SNU13: variants seen among roughly 807,000 people sequenced by gnomAD.
SNU13 encodes the protein small nuclear ribonucleoprotein 13, also known as NHP2-like protein 1.
In SNU13, 2 loss-of-function variants were observed where a neutral mutation model predicts 12.4. The observed-to-expected ratio is 0.16, with a 90% confidence interval of 0.07 to 0.51. The LOEUF (loss-of-function observed/expected upper bound fraction) is 0.51. Ranked by LOEUF, SNU13 falls within the 20% of genes least tolerant of loss-of-function variation. SNU13 has a pLI of 0.96. For synonymous variants in SNU13, 68 were observed against 66.5 expected, an observed-to-expected ratio of 1.02 and a Z score of -0.11; for missense variants, 66 against 157.8, an observed-to-expected ratio of 0.42 and a Z score of 3.12.
intron 1 of SNU13, chr22:41,682,261 T>A (rs566007237): frequency 7.2e-7 from 1 of 1,390,926 alleles, no homozygotes. Flanking sequence ...CTCCTTCCGT[T>A]TTTTTACAGC....
At chr22:41,678,264 C>T (rs998126356) in intron 2 of SNU13, among the ~76,000 whole-genome samples, 13 of 152,184 alleles carry the variant, frequency 8.5e-5, no homozygotes, top group Admixed American at 1.3e-4. Flanking sequence ...TGTGAGCCAC[C>T]GCGCCCGGCC....
upstream of SNU13, among the ~76,000 whole-genome samples, chr22:41,689,860 C>A (rs953271050): frequency 6.6e-6 from 1 of 151,940 alleles, no homozygotes; most frequent in African/African-American, 2.4e-5. Context: ...TGCCTGTAAT[C>A]CCAGCTACTC....
chr22:41,687,337 T>TA (rs1055555331), intron 1 of SNU13, among the ~76,000 whole-genome samples: 15 of 152,292 alleles, frequency 9.8e-5, no homozygotes, highest in African/African-American at 3.4e-4. Context: ...TATGTCAATT[T>TA]AAAAAAACTT....
Position 41,688,832 on chromosome 22 carries a change from G to T in SNU13, c.-36C>A, listed in dbSNP as rs747050365. ...CCGCGGGCTCAGCACTCCTAGGGGA[G>T]CGCAGCTGACGTTTCAGAAGCACTC... On this transcript the variant is annotated 5_prime_UTR_variant, in exon 1 of 3. Transcript: ENST00000401959. 4 of 1,573,966 alleles carry T rather than the reference G, an allele frequency of 2.5e-6. No individual in the cohort carries two copies. In the South Asian group the frequency reaches 4.5e-5, roughly 18 times the overall value.
rs971107338 is a variant in SNU13, at chr22:41,682,613, AG to A, written c.4-2250del. 10 of 1,401,478 alleles carry A rather than the reference AG, an allele frequency of 7.1e-6. No homozygotes were observed. The African/African-American group carries it at 1.3e-4, about 18-fold the overall frequency. The allele number at this position is 1,401,478 out of a possible 1,614,324, so 86.8% of individuals were successfully genotyped here. A position where few individuals can be genotyped will look rare whatever the true frequency, so the allele number is the denominator to read the frequency against. On this transcript the variant is annotated intron_variant, in intron 1 of 2. Coordinates refer to ENST00000401959, the MANE Select transcript of SNU13 (RefSeq NM_001003796.2). ...CTAGGAAGAATTAGGTGAAGGATGG[AG>A]GAGTTCTCTAAAGGAAGGGGGTTGG...
upstream of SNU13, chr22:41,689,366 C>CA (rs11387808): frequency 0.79 from 86,113 of 108,506 alleles, 34,137 homozygotes; most frequent in East Asian, 0.86. Context: ...GCGAGACTCT[C>CA]AAAAAAAAAA....
upstream of SNU13, chr22:41,688,907 G>A (rs2068336544): frequency 4.1e-6 from 6 of 1,467,248 alleles, no homozygotes; most frequent in South Asian, 1.3e-5. Context: ...GGCCCCGCGC[G>A]GCAGGAAGCG....
intron 1 of SNU13, chr22:41,682,391 C>G (rs754223382): frequency 6.2e-7 from 1 of 1,613,864 alleles, no homozygotes; most frequent in Non-Finnish European, 8.5e-7. Context: ...TGCCGGACAC[C>G]GCGAGGATAC....
chr22:41,686,551 C>T (rs1401194390), intron 1 of SNU13, among the ~76,000 whole-genome samples: 3 of 151,770 alleles, frequency 2.0e-5, no homozygotes, highest in East Asian at 3.9e-4. Flanking sequence ...CCACCCGCCT[C>T]GGCCTCCCAA....
intron 2 of SNU13, among the ~76,000 whole-genome samples, chr22:41,679,331 T>G (rs187625303): frequency 6.6e-6 from 1 of 152,090 alleles, no homozygotes; most frequent in Non-Finnish European, 1.5e-5. Context: ...CCAAGGCAGG[T>G]AGATCACCTG....
Position 41,674,663 on chromosome 22 carries a change from G to T in SNU13, c.*270C>A. On this transcript the variant is annotated 3_prime_UTR_variant, in exon 3 of 3. Transcript: ENST00000401959. ...CTCCTGGCTCTTTCTGCCTTTCAAC[G>T]GTGCCACCACCCTGCTTCTGTCTGC... is the stretch of plus-strand genomic sequence containing the variant. The T allele has an allele frequency of 2.5e-6, 1 of 398,834 alleles. No individual in the cohort carries two copies. The highest frequency in any genetic ancestry group is 3.1e-5 in the South Asian group (1 of 32,286). The allele number at this position is 398,834 out of a possible 1,614,324, so 24.7% of individuals were successfully genotyped here.
At chr22:41,675,800 G>A (rs1015293220) in intron 2 of SNU13, among the ~76,000 whole-genome samples, 2 of 149,064 alleles carry the variant, frequency 1.3e-5, no homozygotes, top group South Asian at 2.1e-4. Context: ...GCCCGGGCTG[G>A]AGTGCAATGG....
chr22:41,674,219 T>G lies in SNU13; in HGVS notation c.*714A>C, dbSNP rs1039764891. 1.6e-4 allele frequency: 25 copies of G among 152,880 alleles called. No individual in the cohort carries two copies. Among genetic ancestry groups the G allele is most frequent in the African/African-American group, 6.0e-4 (25 of 41,562 alleles). The allele number at this position is 152,880 out of a possible 1,614,324, so 9.5% of individuals were successfully genotyped here. A position where few individuals can be genotyped will look rare whatever the true frequency, so the allele number is the denominator to read the frequency against. ...AGTTCATGCTCTCTGAGCTTGTCAC[T>G]CCCGACTCTTTCAAGACCCAGGTCA... On this transcript the variant is annotated 3_prime_UTR_variant, in exon 3 of 3. Transcript: ENST00000401959.
rs2068189179 is a variant in SNU13 at position 41,674,124 on chromosome 22, A to T, written c.*809T>A. ...CACCAGAGACAGGCTGTTTCCTTGG[A>T]CTCCACCATCTCTGTTACAGCTACC... On this transcript the variant is annotated 3_prime_UTR_variant, in exon 3 of 3. Transcript: ENST00000401959. 1 of 151,992 alleles carries T rather than the reference A, an allele frequency of 6.6e-6. No individual in the cohort carries two copies. The highest frequency in any genetic ancestry group is 2.1e-4 in the South Asian group (1 of 4,798). The allele number at this position is 151,992 out of a possible 1,614,324, so 9.4% of individuals were successfully genotyped here. A position where few individuals can be genotyped will look rare whatever the true frequency, so the allele number is the denominator to read the frequency against.
intron 2 of SNU13, among the ~76,000 whole-genome samples, chr22:41,677,624 A>G (rs1250092479): frequency 2.0e-5 from 3 of 152,160 alleles, no homozygotes; most frequent in Non-Finnish European, 4.4e-5. Context: ...CTCACCCTAC[A>G]AAAGTCATAG....
chr22:41,688,818 G>C lies in SNU13; in HGVS notation c.-22C>G. The C allele has an allele frequency of 6.3e-7, 1 of 1,598,708 alleles. No individual in the cohort carries two copies. Among genetic ancestry groups the C allele is most frequent in the Non-Finnish European group, 8.6e-7 (1 of 1,169,548 alleles). On this transcript the variant is annotated 5_prime_UTR_variant, in exon 1 of 3. Coordinates refer to ENST00000401959, the MANE Select transcript of SNU13 (RefSeq NM_001003796.2). Reference sequence around the variant, plus strand: ...CCATGGCTGCGGTTCCGCGGGCTCAGCACTCCTAGGGGAGCGCAGCTGACG... The same window carrying C: ...CCATGGCTGCGGTTCCGCGGGCTCACCACTCCTAGGGGAGCGCAGCTGACG...
rs1360082634 is a variant in SNU13, at chr22:41,680,204, G to A, written c.124+40C>T. On this transcript the variant is annotated intron_variant, in intron 2 of 2. Transcript: ENST00000401959. ...TCAGAGGCCCCAGATGGAAACAGGT[G>A]CCTTTAACATTCCCCCAGAGCATCC... 3 of 1,584,934 alleles carry A rather than the reference G, an allele frequency of 1.9e-6. No homozygotes were observed. In the African/African-American group the frequency reaches 4.1e-5, roughly 21 times the overall value.
At chr22:41,675,251 A>G in intron 2 of SNU13, 56 bp from the exon 3 acceptor site, 2 of 1,585,868 alleles carry the variant, frequency 1.3e-6, no homozygotes, top group Non-Finnish European at 1.7e-6. Context: ...CAGGGCAGCC[A>G]CAACAAACTG....
chr22:41,679,094 A>T (rs961237107), intron 2 of SNU13, among the ~76,000 whole-genome samples: 1 of 151,684 alleles, frequency 6.6e-6, no homozygotes, highest in Non-Finnish European at 1.5e-5. Context: ...TCTGTCTCCA[A>T]AAAAATAAAA....
Sources: allele counts gnomAD v4.1 joint callset (sites outside exome capture counted in the v4.1 genomes callset), GRCh38; gene constraint gnomAD v4.1.1; transcripts MANE v1.5; gene names NCBI Gene and HGNC (gene_info 2026-07-23, HGNC 2026-07-21).